LRPPRC: variants seen among roughly 807,000 people sequenced by gnomAD.
LRPPRC encodes the protein leucine-rich PPR motif-containing protein, mitochondrial.
Under a neutral mutation model 180.3 loss-of-function variants are expected in LRPPRC, and 120 were observed. The ratio of observed to expected loss-of-function variants is 0.67; its 90% confidence interval spans 0.57 to 0.77. The LOEUF (loss-of-function observed/expected upper bound fraction) is 0.77. Among genes scored for constraint, LRPPRC ranks in the 30% least tolerant of loss-of-function variants. The pLI is 0.00. For synonymous variants in LRPPRC, 723 were observed against 600.0 expected, an observed-to-expected ratio of 1.21 and a Z score of -3.00; for missense variants, 2,012 against 1,657.2, an observed-to-expected ratio of 1.21 and a Z score of -3.72.
At position 43,960,618 on chromosome 2, in the gene LRPPRC, G is replaced by A. The variant is rs779173520; in HGVS notation, c.1505C>T (p.Ser502Phe). ...AGCTTGAGAAAACATATCACTATCAGACAGACATCCATTTTCCTGGAGATA... is the reference window on the plus strand; with the variant it reads ...AGCTTGAGAAAACATATCACTATCAAACAGACATCCATTTTCCTGGAGATA... ...RAILQENGCLSDSDMFSQAGL... is the reference protein window; with the variant it reads ...RAILQENGCLFDSDMFSQAGL... The change falls in exon 13 of 38, where the codon TCT becomes TTT. Residue 502 changes from serine (S) to phenylalanine (F), a missense_variant. Coordinates refer to ENST00000260665, the MANE Select transcript of LRPPRC (RefSeq NM_133259.4). The A allele has an allele frequency of 6.3e-6, 10 of 1,586,390 alleles. No homozygotes were observed. The highest frequency in any genetic ancestry group is 1.7e-5 in the Admixed American group (1 of 59,968).
At chr2:43,994,434 G>A (rs1325720743) in intron 1 of LRPPRC, among the ~76,000 whole-genome samples, 2 of 152,124 alleles carry the variant, frequency 1.3e-5, no homozygotes, top group African/African-American at 4.8e-5. Context: ...TAGGCATCAG[G>A]CCCTATACTA....
intron 1 of LRPPRC, among the ~76,000 whole-genome samples, chr2:43,989,974 G>A (rs1247553381): frequency 6.6e-6 from 1 of 152,158 alleles, no homozygotes; most frequent in Non-Finnish European, 1.5e-5. Context: ...AGCACTTTGG[G>A]AGGCTGAGGT....
chr2:43,969,572 A>C (rs1372399954), intron 11 of LRPPRC, among the ~76,000 whole-genome samples: 1 of 152,134 alleles, frequency 6.6e-6, no homozygotes, highest in African/African-American at 2.4e-5. Flanking sequence ...CCTTGTTGCC[A>C]ATATAGGAAT....
intron 11 of LRPPRC, 156 bp from the exon 12 acceptor site, chr2:43,963,862 C>A: frequency 3.0e-6 from 2 of 657,190 alleles, no homozygotes; most frequent in East Asian, 5.1e-5. Flanking sequence ...CTGTGAGATA[C>A]AATGATAAAA....
intron 25 of LRPPRC, among the ~76,000 whole-genome samples, chr2:43,932,943 C>T (rs1300562188): frequency 6.6e-6 from 1 of 152,192 alleles, no homozygotes; most frequent in East Asian, 1.9e-4. Context: ...TTCATTTCCG[C>T]TCTGATCAGT....
intron 6 of LRPPRC, among the ~76,000 whole-genome samples, chr2:43,975,795 C>G (rs1674030337): frequency 2.6e-5 from 4 of 152,014 alleles, no homozygotes; most frequent in Non-Finnish European, 5.9e-5. Context: ...GTTGGCCAAG[C>G]TGGTCTTGAA....
chr2:43,987,545 C>A (rs1674584013), intron 1 of LRPPRC, among the ~76,000 whole-genome samples: 1 of 149,896 alleles, frequency 6.7e-6, no homozygotes, highest in Non-Finnish European at 1.5e-5. Flanking sequence ...TCCACTGCAA[C>A]CAACCATTCC....
rs567320773 is a variant in LRPPRC at position 43,910,493 on chromosome 2, C to T, written c.3275+1939G>A. The stretch of plus-strand genomic sequence containing the variant: ...CAAGGGATCCTTCCGCCTTGGCCTC[C>T]GAAAGTGTTGGGATTACAGGCATGA... On this transcript the variant is annotated intron_variant, in intron 30 of 37. Transcript: ENST00000260665. Among the ~76,000 whole-genome samples the T allele has an allele frequency of 4.6e-5, 7 of 152,210 alleles. No homozygotes were observed. In the South Asian group the frequency reaches 1.0e-3, roughly 23 times the overall value.
Position 43,948,413 on chromosome 2 carries a change from A to G in LRPPRC, c.1841T>C (p.Met614Thr), listed in dbSNP as rs374400665. 314 of 1,600,986 alleles carry G rather than the reference A, an allele frequency of 2.0e-4. 6 individuals carry two copies. In the South Asian group the frequency reaches 3.2e-3, roughly 17 times the overall value. Residue 614 changes from methionine (M) to threonine (T), a missense_variant and splice_region_variant, in exon 17 of 38, where the codon ATG (methionine) becomes ACG (threonine). Met to Thr is a moderately conservative substitution (Grantham distance 81). Coordinates refer to ENST00000260665, the MANE Select transcript of LRPPRC (RefSeq NM_133259.4). ...LRQYFHQLEKMNVKIPENIYR... is the reference protein window; with the variant it reads ...LRQYFHQLEKTNVKIPENIYR... ...ATATAGCAAAAAACGAAATGGTACC[A>G]TCTTCTCCAGCTGATGGAAGTATTG...
At chr2:43,981,272 G>A (rs1448180072) in intron 2 of LRPPRC, among the ~76,000 whole-genome samples, 2 of 148,056 alleles carry the variant, frequency 1.4e-5, no homozygotes, top group Non-Finnish European at 2.9e-5. Context: ...ACAATGGAAG[G>A]TAAGAAAAAC....
Position 43,945,415 on chromosome 2 carries a change from T to C in LRPPRC, c.2213A>G (p.Asp738Gly). Residue 738 changes from aspartate (D) to glycine (G), a missense_variant and splice_region_variant, in exon 22 of 38, where the codon GAC becomes GGC. Physicochemically the swap from Asp to Gly is moderately conservative, Grantham distance 94. Coordinates refer to ENST00000260665, the MANE Select transcript of LRPPRC (RefSeq NM_133259.4). ...AAGGACAGCAGATGAATCTAAGCGG[T>C]CACTAAAAATTAAAGCCACATTTAT... ...EDALNLKEEF[D>G]RLDSSAVLDT... 2 of 1,599,988 alleles carry C rather than the reference T, an allele frequency of 1.3e-6. No individual in the cohort carries two copies. The highest frequency in any genetic ancestry group is 4.5e-5 in the East Asian group (2 of 44,818).
At chr2:43,889,055 G>A (rs184751562) in intron 37 of LRPPRC, among the ~76,000 whole-genome samples, 12 of 152,240 alleles carry the variant, frequency 7.9e-5, no homozygotes, top group East Asian at 1.9e-4. Context: ...AGTGGCTCAC[G>A]CCTGTAATCC....
At chr2:43,979,751 G>A in intron 3 of LRPPRC, 75 bp downstream of exon 3, 1 of 1,332,590 alleles carries the variant, frequency 7.5e-7, no homozygotes. Context: ...CAGCATTTAT[G>A]TAAACAAACA....
chr2:43,936,482 A>C (rs892216191), intron 23 of LRPPRC, among the ~76,000 whole-genome samples: 24 of 152,238 alleles, frequency 1.6e-4, no homozygotes, highest in Non-Finnish European at 2.1e-4. Context: ...TTTCTCATAC[A>C]CATAACAGTT....
chr2:43,963,609 G>C lies in LRPPRC; in HGVS notation c.1467C>G (p.Asn489Lys), dbSNP rs1673440391. The change falls in exon 12 of 38, where the codon AAC becomes AAG. Residue 489 changes from asparagine to lysine, a missense_variant. Asn to Lys is a moderately conservative substitution (Grantham distance 94, BLOSUM62 0). Coordinates refer to ENST00000260665, the MANE Select transcript of LRPPRC (RefSeq NM_133259.4). ...DYVIPCFDSV[N>K]SARAILQENG... ...TCACCTGCAAAATGGCTCGTGCTGA[G>C]TTTACACTATCAAAGCATGGAATCA... 2 of 1,606,694 alleles carry C rather than the reference G, an allele frequency of 1.2e-6. No individual in the cohort carries two copies. Among genetic ancestry groups the C allele is most frequent in the East Asian group, 2.2e-5 (1 of 44,830 alleles).
Position 43,889,959 on chromosome 2 carries a change from G to A in LRPPRC, c.3986-83C>T, listed in dbSNP as rs139928056. 3,946 of 978,092 alleles carry A rather than the reference G, an allele frequency of 4.0e-3. 78 individuals carry two copies. In the East Asian group the frequency reaches 0.048, roughly 12 times the overall value. 60.6% of individuals were successfully genotyped at this position (978,092 alleles called of 1,614,324 possible). On this transcript the variant is annotated intron_variant, in intron 36 of 37. Coordinates refer to ENST00000260665, the MANE Select transcript of LRPPRC (RefSeq NM_133259.4). Reference sequence around the variant, plus strand: ...TCACCAAAACAGCCACTCAGGGACGGCTGGATCCCTTTATCCCACGGCAAA... The same window carrying A: ...TCACCAAAACAGCCACTCAGGGACGACTGGATCCCTTTATCCCACGGCAAA...
chr2:43,953,611 C>T (rs1272061230), intron 14 of LRPPRC, among the ~76,000 whole-genome samples: 1 of 152,140 alleles, frequency 6.6e-6, no homozygotes, highest in Non-Finnish European at 1.5e-5. Flanking sequence ...TAGATGCTAA[C>T]AAACAGGGAA....
chr2:43,918,430 A>G (rs1404925750), intron 27 of LRPPRC, 32 bp from the exon 28 acceptor site: 2 of 1,482,572 alleles, frequency 1.3e-6, no homozygotes, highest in South Asian at 2.3e-5. Context: ...AAATTAATCA[A>G]TAAATATGCT....
chr2:43,969,367 A>G (rs955564711), intron 11 of LRPPRC, among the ~76,000 whole-genome samples: 1 of 150,848 alleles, frequency 6.6e-6, no homozygotes, highest in African/African-American at 2.4e-5. Flanking sequence ...AGCCGACATC[A>G]CCACTGCACT....
Sources: gnomAD v4.1 joint callset for allele counts (sites outside exome capture counted in the v4.1 genomes callset) on GRCh38, gnomAD v4.1.1 for gene constraint, MANE v1.5 for transcripts, NCBI Gene and HGNC (gene_info 2026-07-23, HGNC 2026-07-21) for gene names.